The following CCNY variants were observed in gnomAD, a reference collection of about 807,000 sequenced individuals.
CCNY encodes the protein cyclin-Y.
In CCNY, 19 loss-of-function variants were observed where a neutral mutation model predicts 42.8. The observed-to-expected ratio is 0.44, with a 90% CI of 0.31 to 0.65. CCNY has a LOEUF of 0.65. Ranked by LOEUF, CCNY falls within the 30% of genes least tolerant of loss-of-function variation. CCNY has a pLI of 0.07. For missense variants in CCNY, 370 were observed against 437.3 expected (o/e 0.85, Z 1.37); for synonymous variants, 165 against 162.7 (o/e 1.01, Z -0.11).
intron 2 of CCNY, among the ~76,000 whole-genome samples, chr10:35,489,738 C>T (rs149796399): frequency 4.6e-5 from 7 of 152,282 alleles, no homozygotes; most frequent in African/African-American, 1.4e-4. Context: ...AGCTACAGTT[C>T]AGTTTTGTTC....
chr10:35,548,371 T>C (rs898007673), intron 7 of CCNY, among the ~76,000 whole-genome samples: 1 of 150,750 alleles, frequency 6.6e-6, no homozygotes, highest in African/African-American at 2.5e-5. Context: ...CGATCTTGGC[T>C]CACTGCAGCC....
At chr10:35,411,885 T>C (rs1284045418) in intron 1 of CCNY, among the ~76,000 whole-genome samples, 1 of 152,278 alleles carries the variant, frequency 6.6e-6, no homozygotes, top group Non-Finnish European at 1.5e-5. Context: ...GGATTTGCTA[T>C]GATAACAACA....
Position 35,569,100 on chromosome 10 carries a change from C to G in CCNY, c.956C>G (p.Ser319Cys). The G allele has an allele frequency of 6.2e-7, 1 of 1,613,232 alleles. No homozygotes were observed. ...CEDKYKDLRR[S>C]ARKRSASADN... ...GACAAGTACAAGGACCTAAGAAGAT[C>G]CGCGAGGAAGCGCTCAGCCAGTGCA... is the stretch of plus-strand genomic sequence containing the variant. Residue 319 changes from serine (S) to cysteine (C), a missense_variant, in exon 10 of 10, where the codon TCC becomes TGC. Coordinates refer to ENST00000374704, the MANE Select transcript of CCNY (RefSeq NM_145012.6).
rs1029625036 is a variant in CCNY, at chr10:35,323,935, G to A, written c.-9+73309G>A. Among the ~76,000 whole-genome samples the A allele has an allele frequency of 4.6e-5, 7 of 151,654 alleles. 1 individual carries two copies. The highest frequency in any genetic ancestry group is 2.6e-4 in the Admixed American group (4 of 15,226). On this transcript the variant is annotated intron_variant, in intron 3 of 11. Coordinates refer to the CCNY transcript ENST00000374706. ...CTCAGGAGGCTGATATAGGAGAATC[G>A]CTTGAACCTAGGAGGCAGAGGTTGC...
Position 35,525,988 on chromosome 10 carries a change from C to T in CCNY, c.390C>T (p.His130=). The change falls in exon 5 of 10, where the codon CAC becomes CAT. Residue 130 remains histidine, a synonymous_variant. Transcript: ENST00000374704. ...GTGTCGCTCTTGCAATATATTATCA[C>T]ATCAAAAACAGGTATGTGGATGGTT... ...IKCVALAIYY[H]IKNRDPDGRM... The T allele has an allele frequency of 1.2e-6, 2 of 1,610,996 alleles. No homozygotes were observed. The highest frequency in any genetic ancestry group is 1.7e-6 in the Non-Finnish European group (2 of 1,178,994).
intron 1 of CCNY, among the ~76,000 whole-genome samples, chr10:35,402,322 A>T (rs1178718832): frequency 6.6e-6 from 1 of 152,318 alleles, no homozygotes; most frequent in Admixed American, 6.5e-5. Flanking sequence ...CGAATAAAAG[A>T]AGGAGAAAAC....
At chr10:35,515,995 A>G (rs1840419461) in intron 3 of CCNY, among the ~76,000 whole-genome samples, 1 of 152,186 alleles carries the variant, frequency 6.6e-6, no homozygotes, top group Non-Finnish European at 1.5e-5. Flanking sequence ...ACAAAGCAAT[A>G]TTTTTTCATT....
intron 4 of CCNY, among the ~76,000 whole-genome samples, chr10:35,517,182 A>G (rs1396858809): frequency 1.3e-5 from 2 of 152,072 alleles, no homozygotes; most frequent in African/African-American, 4.8e-5. Context: ...CTTTAATTCC[A>G]TATTTTTAAA....
rs551353895 is a variant in CCNY, at chr10:35,283,406, T to G, written c.-9+32780T>G. Among the ~76,000 whole-genome samples the G allele has an allele frequency of 6.6e-5, 10 of 151,970 alleles. No individual in the cohort carries two copies. The East Asian group carries it at 1.7e-3, about 27-fold the overall frequency. On this transcript the variant is annotated intron_variant, in intron 3 of 11. Transcript: ENST00000374706. The stretch of plus-strand genomic sequence containing the variant: ...TTATTGTACAAGTGTAAGGACAGTT[T>G]TTTTTTTTTTTAGAGACTGAGTCTC...
intron 3 of CCNY, among the ~76,000 whole-genome samples, chr10:35,273,830 C>T (rs531737893): frequency 1.3e-5 from 2 of 152,274 alleles, no homozygotes; most frequent in Non-Finnish European, 2.9e-5. Context: ...CCTACAGCAT[C>T]TTTTCCCACC....
At chr10:35,342,549 T>A (rs2135122607) in intron 1 of CCNY, among the ~76,000 whole-genome samples, 1 of 152,348 alleles carries the variant, frequency 6.6e-6, no homozygotes, top group Admixed American at 6.5e-5. Flanking sequence ...CAGGGAGTCG[T>A]TTGCTTCCAC....
Position 35,308,193 on chromosome 10 carries a change from C to A in CCNY, c.-9+57567C>A, listed in dbSNP as rs188003866. 1.4e-4 allele frequency among the ~76,000 whole-genome samples: 21 copies of A among 152,032 alleles called. No homozygotes were observed. The East Asian group carries it at 4.1e-3, about 30-fold the overall frequency. ...TTTGTCTAAGATCAAAGCACTAACACATGGCAGAGCTTAGAATGGAGCAGG... is the reference window on the plus strand; with the variant it reads ...TTTGTCTAAGATCAAAGCACTAACAAATGGCAGAGCTTAGAATGGAGCAGG... On this transcript the variant is annotated intron_variant, in intron 3 of 11. Transcript: ENST00000374706.
chr10:35,308,511 C>T (rs1835642413), intron 3 of CCNY, among the ~76,000 whole-genome samples: 1 of 152,128 alleles, frequency 6.6e-6, no homozygotes, highest in South Asian at 2.1e-4. Flanking sequence ...ATGATCCTGT[C>T]ACTGCACTCC....
chr10:35,252,193 C>T (rs2135021487), intron 3 of CCNY, among the ~76,000 whole-genome samples: 1 of 152,202 alleles, frequency 6.6e-6, no homozygotes, highest in East Asian at 1.9e-4. Context: ...TAACACATTA[C>T]TACACTGCAG....
chr10:35,543,577 C>T (rs1194417082), intron 7 of CCNY, among the ~76,000 whole-genome samples: 3 of 149,332 alleles, frequency 2.0e-5, no homozygotes, highest in Admixed American at 6.7e-5. Flanking sequence ...TGCTGTCAGA[C>T]ATGTAAAAGT....
chr10:35,508,131 A>G (rs1840252489), intron 3 of CCNY, among the ~76,000 whole-genome samples: 1 of 152,100 alleles, frequency 6.6e-6, no homozygotes, highest in South Asian at 2.1e-4. Context: ...GACCGAATCA[A>G]TCTTTATTAT....
At chr10:35,541,770 C>T (rs1841005568) in intron 7 of CCNY, among the ~76,000 whole-genome samples, 3 of 151,824 alleles carry the variant, frequency 2.0e-5, no homozygotes, top group Non-Finnish European at 4.4e-5. Flanking sequence ...CCCTTTTCTT[C>T]TTTAGGATCC....
At chr10:35,290,799 G>A (rs780910285) in intron 3 of CCNY, among the ~76,000 whole-genome samples, 1 of 151,416 alleles carries the variant, frequency 6.6e-6, no homozygotes, top group Admixed American at 6.6e-5. Context: ...CTGTCTATAC[G>A]AAAAAATAAC....
At chr10:35,546,670 C>T (rs1349410425) in intron 7 of CCNY, among the ~76,000 whole-genome samples, 1 of 152,214 alleles carries the variant, frequency 6.6e-6, no homozygotes, top group Non-Finnish European at 1.5e-5. Flanking sequence ...AATATAGCAA[C>T]TGCTTTCCCT....
Sources: gnomAD v4.1 joint callset for allele counts (sites outside exome capture counted in the v4.1 genomes callset) on GRCh38, gnomAD v4.1.1 for gene constraint, MANE v1.5 for transcripts, NCBI Gene and HGNC (gene_info 2026-07-23, HGNC 2026-07-21) for gene names.